The following CEP128 variants were observed in gnomAD, a reference collection of about 807,000 sequenced individuals.
CEP128 encodes the protein centrosomal protein 128.
Under a neutral mutation model 156.7 loss-of-function variants are expected in CEP128, and 132 were observed. That is an observed-to-expected ratio of 0.84 (90% confidence interval 0.73 to 0.97). The LOEUF is 0.97. CEP128 is among the 50% of genes least tolerant of loss of function. The pLI, the probability that CEP128 is intolerant of heterozygous loss-of-function variation, is 0.00. For missense variants in CEP128, 1,252 were observed against 1,281.9 expected (o/e 0.98, Z 0.36); for synonymous variants, 469 against 448.9 (o/e 1.04, Z -0.57).
chr14:80,616,827 T>TA (rs930874784), intron 19 of CEP128, among the ~76,000 whole-genome samples: 2 of 152,012 alleles, frequency 1.3e-5, no homozygotes, highest in Non-Finnish European at 2.9e-5. Flanking sequence ...AGCAGAGCTA[T>TA]AAGGACATTT....
chr14:80,923,391 T>C (rs149745732), intron 2 of CEP128, among the ~76,000 whole-genome samples: 9 of 152,348 alleles, frequency 5.9e-5, no homozygotes, highest in Admixed American at 3.3e-4. Context: ...TCTTTTGTTA[T>C]TTGACCTAAA....
intron 18 of CEP128, among the ~76,000 whole-genome samples, chr14:80,754,254 T>C (rs896783516): frequency 6.6e-6 from 1 of 152,172 alleles, no homozygotes; most frequent in Non-Finnish European, 1.5e-5. Flanking sequence ...TTTGCATTCA[T>C]CAAATTGCTT....
intron 19 of CEP128, among the ~76,000 whole-genome samples, chr14:80,671,488 A>G (rs1485291877): frequency 6.6e-6 from 1 of 152,186 alleles, no homozygotes; most frequent in Non-Finnish European, 1.5e-5. Context: ...GCTAAGATCA[A>G]TTCAGTCATT....
chr14:80,878,864 T>G (rs1888402260), intron 8 of CEP128, among the ~76,000 whole-genome samples: 1 of 152,186 alleles, frequency 6.6e-6, no homozygotes, highest in African/African-American at 2.4e-5. Context: ...TCACGACCAC[T>G]CTGAGCATCT....
intron 20 of CEP128, among the ~76,000 whole-genome samples, chr14:80,573,057 G>A (rs2140419969): frequency 6.6e-6 from 1 of 151,554 alleles, no homozygotes; most frequent in Admixed American, 6.6e-5. Flanking sequence ...CAAGTAGCTG[G>A]GATTACAGGT....
chr14:80,685,302 A>C (rs1304860643), intron 19 of CEP128, among the ~76,000 whole-genome samples: 1 of 152,192 alleles, frequency 6.6e-6, no homozygotes, highest in East Asian at 1.9e-4. Context: ...ATAATGCAAC[A>C]ATATTCAAGC....
At chr14:80,734,056 T>C (rs1461457055) in intron 19 of CEP128, among the ~76,000 whole-genome samples, 1 of 152,166 alleles carries the variant, frequency 6.6e-6, no homozygotes, top group Non-Finnish European at 1.5e-5. Context: ...GGAATGGCTA[T>C]GCTCATCACC....
intron 19 of CEP128, among the ~76,000 whole-genome samples, chr14:80,738,118 G>C (rs1340120851): frequency 6.6e-6 from 1 of 152,154 alleles, no homozygotes; most frequent in Non-Finnish European, 1.5e-5. Flanking sequence ...CTGAAAAACT[G>C]TGAAATGATT....
At chr14:80,681,706 G>A (rs539055282) in intron 19 of CEP128, among the ~76,000 whole-genome samples, 4 of 152,260 alleles carry the variant, frequency 2.6e-5, no homozygotes, top group South Asian at 2.1e-4. Context: ...TTTGCCTTCC[G>A]CCGTGATTGT....
intron 15 of CEP128, among the ~76,000 whole-genome samples, chr14:80,780,324 A>C (rs1688035647): frequency 6.6e-6 from 1 of 152,152 alleles, no homozygotes; most frequent in African/African-American, 2.4e-5. Flanking sequence ...CTTTGCTCTC[A>C]ACTCAATTTA....
chr14:80,711,705 A>G (rs1897414973), intron 19 of CEP128, among the ~76,000 whole-genome samples: 1 of 152,146 alleles, frequency 6.6e-6, no homozygotes, highest in Admixed American at 6.6e-5. Flanking sequence ...AATAACTAAA[A>G]GATTATAATT....
chr14:80,569,604 C>T (rs1332364241), intron 20 of CEP128, among the ~76,000 whole-genome samples: 1 of 152,018 alleles, frequency 6.6e-6, no homozygotes, highest in Non-Finnish European at 1.5e-5. Context: ...CAAATTCTAC[C>T]AACAGAAATT....
intron 19 of CEP128, among the ~76,000 whole-genome samples, chr14:80,700,710 T>C (rs896208540): frequency 2.6e-5 from 4 of 152,216 alleles, no homozygotes; most frequent in African/African-American, 7.2e-5. Flanking sequence ...TATAGGATTC[T>C]GTGACATAAG....
At chr14:80,671,560 T>C (rs1313569061) in intron 19 of CEP128, among the ~76,000 whole-genome samples, 1 of 152,200 alleles carries the variant, frequency 6.6e-6, no homozygotes. Flanking sequence ...TTCTATTCTT[T>C]ATAAACAATT....
At chr14:80,627,740 C>T (rs368287725) in intron 19 of CEP128, among the ~76,000 whole-genome samples, 28 of 129,518 alleles carry the variant, frequency 2.2e-4, no homozygotes, top group East Asian at 4.3e-4. Context: ...TTATTATTTT[C>T]TTTTTTTTTT....
intron 20 of CEP128, among the ~76,000 whole-genome samples, chr14:80,563,962 T>G (rs1036558350): frequency 6.6e-6 from 1 of 152,156 alleles, no homozygotes; most frequent in East Asian, 1.9e-4. Context: ...ATAACCTCAG[T>G]AACAAAGAAA....
At chr14:80,909,864 A>C (rs983541903) in intron 4 of CEP128, among the ~76,000 whole-genome samples, 8 of 152,170 alleles carry the variant, frequency 5.3e-5, no homozygotes, top group African/African-American at 1.9e-4. Flanking sequence ...TTTGGATTAT[A>C]ACATCTTACT....
intron 9 of CEP128, among the ~76,000 whole-genome samples, chr14:80,856,559 G>C (rs777240500): frequency 4.0e-5 from 6 of 151,782 alleles, no homozygotes; most frequent in African/African-American, 1.5e-4. Context: ...TAGAAGGATC[G>C]CTTGAGCCTG....
chr14:80,589,278 T>C (rs1891947020), intron 19 of CEP128, among the ~76,000 whole-genome samples: 1 of 152,158 alleles, frequency 6.6e-6, no homozygotes, highest in Non-Finnish European at 1.5e-5. Context: ...TATGTTATTT[T>C]AAGCCACTAA....
Sources: gnomAD v4.1 joint callset for allele counts (sites outside exome capture counted in the v4.1 genomes callset) on GRCh38, gnomAD v4.1.1 for gene constraint, MANE v1.5 for transcripts, NCBI Gene and HGNC (gene_info 2026-07-23, HGNC 2026-07-21) for gene names.